R3HDM2: variants seen among roughly 807,000 people sequenced by gnomAD.
The protein encoded by R3HDM2 is R3H domain containing 2.
In R3HDM2, 38 loss-of-function variants were observed where a neutral mutation model predicts 124.5. The observed-to-expected ratio is 0.31, with a 90% CI of 0.24 to 0.40. The LOEUF (loss-of-function observed/expected upper bound fraction) is 0.40, where lower values mean the gene tolerates loss of function less well. Ranked by LOEUF, R3HDM2 falls within the 10% of genes least tolerant of loss-of-function variation. The pLI is 1.00. For missense variants in R3HDM2, 869 were observed against 1,236.9 expected (o/e 0.70, Z 4.46); for synonymous variants, 391 against 448.0 (o/e 0.87, Z 1.61).
At chr12:57,326,784 T>C (rs1458541009) in intron 2 of R3HDM2, among the ~76,000 whole-genome samples, 2 of 152,198 alleles carry the variant, frequency 1.3e-5, no homozygotes, top group African/African-American at 4.8e-5. Context: ...AGGCTGATTC[T>C]CTTGTTAGGG....
At chr12:57,386,721 A>C (rs1235576701) in intron 2 of R3HDM2, among the ~76,000 whole-genome samples, 10 of 152,236 alleles carry the variant, frequency 6.6e-5, no homozygotes. Context: ...GGGTGAAGCC[A>C]GCTGGGCTCC....
chr12:57,384,064 G>A (rs1341983239), intron 2 of R3HDM2, among the ~76,000 whole-genome samples: 2 of 152,014 alleles, frequency 1.3e-5, no homozygotes, highest in African/African-American at 4.8e-5. Context: ...TAGCCAAATA[G>A]AAAAGTATGG....
In R3HDM2 at chr12:57,303,215, C is replaced by T; in HGVS notation, c.168G>A (p.Arg56=). ...TGGCATGACCATGGTTAGATGTCCG[C>T]CTCTGTTAGAAGGGAATTGGAAAAT... is the stretch of plus-strand genomic sequence containing the variant. The part of the protein sequence containing the change: ...EDTSLRQETQ[R]RTSNHGHARK... Residue 56 remains arginine (R), a splice_region_variant and synonymous_variant, in exon 4 of 24, where the codon AGG becomes AGA. Transcript: ENST00000402412. 1 of 1,528,034 alleles carries T rather than the reference C, an allele frequency of 6.5e-7. No homozygotes were observed. The highest frequency in any genetic ancestry group is 8.9e-7 in the Non-Finnish European group (1 of 1,125,556). The allele number at this position is 1,528,034 out of a possible 1,614,324, so 94.7% of individuals were successfully genotyped here. A position where few individuals can be genotyped will look rare whatever the true frequency, so the allele number is the denominator to read the frequency against.
chr12:57,351,124 A>T (rs762964169), intron 2 of R3HDM2, among the ~76,000 whole-genome samples: 1 of 151,836 alleles, frequency 6.6e-6, no homozygotes, highest in Non-Finnish European at 1.5e-5. Flanking sequence ...TAAAATACAA[A>T]ATTAGCTAGG....
rs530516255 is a variant in R3HDM2 at position 57,339,183 on chromosome 12, G to T, written c.-35-28720C>A. Among the ~76,000 whole-genome samples, 9 of 152,018 alleles carry T rather than the reference G, an allele frequency of 5.9e-5. No individual in the cohort carries two copies. The South Asian group carries it at 1.9e-3, about 32-fold the overall frequency. ...TAAATTTTTTTGTAGTTTTAGTAGAGACTGGGTTTCACCATGTTGGCCAGG... is the reference window on the plus strand; with the variant it reads ...TAAATTTTTTTGTAGTTTTAGTAGATACTGGGTTTCACCATGTTGGCCAGG... On this transcript the variant is annotated intron_variant, in intron 2 of 23. Transcript: ENST00000402412.
At chr12:57,321,631 A>G (rs1376572540) in intron 2 of R3HDM2, among the ~76,000 whole-genome samples, 1 of 152,150 alleles carries the variant, frequency 6.6e-6, no homozygotes, top group African/African-American at 2.4e-5. Flanking sequence ...AGGCTGGGCA[A>G]CAAGAGCGAA....
chr12:57,264,142 T>G (rs1230795888), intron 19 of R3HDM2, among the ~76,000 whole-genome samples: 4 of 150,554 alleles, frequency 2.7e-5, no homozygotes, highest in Admixed American at 1.3e-4. Flanking sequence ...CTTGGGAGGC[T>G]GAGGCAGGAG....
At chr12:57,426,117 A>G (rs1008919664) in intron 1 of R3HDM2, among the ~76,000 whole-genome samples, 8 of 152,160 alleles carry the variant, frequency 5.3e-5, no homozygotes, top group African/African-American at 1.9e-4. Context: ...AATCCCAGCT[A>G]CTTGGGAGGC....
At chr12:57,348,723 AGAG>A (rs2060336628) in intron 2 of R3HDM2, among the ~76,000 whole-genome samples, 1 of 5,726 alleles carries the variant, frequency 1.7e-4, no homozygotes, top group African/African-American at 4.5e-4. Flanking sequence ...AAAAAAAAAG[AGAG>A]AGAAAAATTA....
At chr12:57,395,668 T>G in intron 2 of R3HDM2, 81 bp downstream of exon 2, 2 of 513,496 alleles carry the variant, frequency 3.9e-6, no homozygotes, top group Non-Finnish European at 5.0e-6. Context: ...TGGAGTTGTG[T>G]GAGGATTAAA....
chr12:57,312,370 C>T (rs1312387885), intron 2 of R3HDM2, among the ~76,000 whole-genome samples: 3 of 148,250 alleles, frequency 2.0e-5, no homozygotes, highest in South Asian at 2.1e-4. Context: ...TGCAGTGATG[C>T]GATCATAGCT....
In R3HDM2 at chr12:57,282,653, G is replaced by A. The variant is rs536689861; in HGVS notation, c.1171+1171C>T. On this transcript the variant is annotated intron_variant, in intron 13 of 23. Coordinates refer to ENST00000402412, the MANE Select transcript of R3HDM2 (RefSeq NM_001394031.1). ...CCAGCCTGGATAACAGCAAGACCCC[G>A]ACTCTTGAAAAAGCAAAAAAAAAAT... Among the ~76,000 whole-genome samples, 54 of 151,910 alleles carry A rather than the reference G, an allele frequency of 3.6e-4. 1 individual carries two copies. The East Asian group carries it at 9.1e-3, about 26-fold the overall frequency.
At chr12:57,307,638 T>TTTTTTTTTTTTTTTG (rs2052967336) in intron 3 of R3HDM2, among the ~76,000 whole-genome samples, 1 of 124,542 alleles carries the variant, frequency 8.0e-6, no homozygotes. Context: ...TTTTTTTTTT[T>TTTTTTTTTTTTTTTG]TTTTTTGAGA....
In R3HDM2 at chr12:57,304,539, C is replaced by T. The variant is rs1015739549; in HGVS notation, c.166-1322G>A. ...CTTCTTCACTAGTTAGCAAATAACA[C>T]GGCCACAATGCAAAATGGAGAACTG... On this transcript the variant is annotated intron_variant, in intron 3 of 23. Coordinates refer to ENST00000402412, the MANE Select transcript of R3HDM2 (RefSeq NM_001394031.1). 26 of 981,404 alleles carry T rather than the reference C, an allele frequency of 2.6e-5. No homozygotes were observed. The South Asian group carries it at 3.8e-4, about 14-fold the overall frequency. 60.8% of individuals were successfully genotyped at this position (981,404 alleles called of 1,614,324 possible). A position where few individuals can be genotyped will look rare whatever the true frequency, so the allele number is the denominator to read the frequency against.
intron 2 of R3HDM2, among the ~76,000 whole-genome samples, chr12:57,338,535 G>A (rs1025187436): frequency 3.9e-5 from 6 of 152,108 alleles, no homozygotes; most frequent in African/African-American, 7.2e-5. Flanking sequence ...GACTACAGGC[G>A]TGAGCCACCA....
At chr12:57,430,407 G>T in intron 1 of R3HDM2, 1 of 519,706 alleles carries the variant, frequency 1.9e-6, no homozygotes, top group African/African-American at 2.1e-5. Flanking sequence ...AGAAACACAC[G>T]GAGCTAGCCA....
chr12:57,404,690 C>A (rs1242582269), intron 1 of R3HDM2, among the ~76,000 whole-genome samples: 1 of 151,878 alleles, frequency 6.6e-6, no homozygotes, highest in Non-Finnish European at 1.5e-5. Flanking sequence ...CAGAGCGAGA[C>A]TCTGTCTCAA....
At chr12:57,326,588 A>G (rs1019729704) in intron 2 of R3HDM2, among the ~76,000 whole-genome samples, 2 of 152,258 alleles carry the variant, frequency 1.3e-5, no homozygotes, top group African/African-American at 2.4e-5. Context: ...GTGCAAGGTG[A>G]AGCAGCAAGT....
Position 57,386,824 on chromosome 12 carries a change from A to ACT in R3HDM2, c.-36+8923_-36+8924dup, listed in dbSNP as rs982033119. 9.9e-5 allele frequency among the ~76,000 whole-genome samples: 15 copies of ACT among 151,702 alleles called. 2 individuals are homozygous for ACT. ...TCTGTATCTAGCTCAAGGTTTGTAA[A>ACT]CTCACCAATCAGCACCCTGTGTCTA... On this transcript the variant is annotated intron_variant, in intron 2 of 23. Transcript: ENST00000402412.
Sources: gnomAD v4.1 joint callset for allele counts (sites outside exome capture counted in the v4.1 genomes callset) on GRCh38, gnomAD v4.1.1 for gene constraint, MANE v1.5 for transcripts, NCBI Gene and HGNC (gene_info 2026-07-23, HGNC 2026-07-21) for gene names.